MADD: variants seen among roughly 807,000 people sequenced by gnomAD.
MADD encodes the protein MAP kinase activating death domain, also known as MAP kinase-activating death domain protein.
A neutral mutation model predicts 176.7 loss-of-function variants in MADD; 109 were observed. The ratio of observed to expected loss-of-function variants is 0.62; its 90% CI spans 0.53 to 0.72. The LOEUF is 0.72. MADD is among the 30% of genes least tolerant of loss of function. The pLI, the probability that MADD is intolerant of heterozygous loss-of-function variation, is 0.00. For missense variants in MADD, 1,914 were observed against 2,045.5 expected (o/e 0.94, Z 1.24); for synonymous variants, 771 against 771.3 (o/e 1.00, Z 0.01).
At chr11:47,328,892 C>G (rs533489050) in intron 32 of MADD, among the ~76,000 whole-genome samples, 154 bp from the exon 37 acceptor site, 2 of 152,284 alleles carry the variant, frequency 1.3e-5, no homozygotes, top group African/African-American at 4.8e-5. Context: ...CACGGATCCC[C>G]TCTCCCATGG....
chr11:47,274,313 TCTTAAG>T (rs2047810605), intron 2 of MADD, among the ~76,000 whole-genome samples: 2 of 152,244 alleles, frequency 1.3e-5, no homozygotes, highest in Non-Finnish European at 2.9e-5. Context: ...ATGTTAATCA[TCTTAAG>T]GTGCCAGTGA....
At chr11:47,327,495 C>G in intron 31 of MADD, 3 of 985,442 alleles carry the variant, frequency 3.0e-6, no homozygotes, top group Non-Finnish European at 3.6e-6. Context: ...TGCCTTGGGC[C>G]CTGCCCTGGG....
At chr11:47,299,081 A>G (rs757155165) in intron 22 of MADD, among the ~76,000 whole-genome samples, 1 of 152,126 alleles carries the variant, frequency 6.6e-6, no homozygotes. Context: ...TATGGTTACT[A>G]TAGCTTTGTC....
chr11:47,270,329 C>T (rs1959171636), intron 1 of MADD, 83 bp downstream of exon 1: 1 of 149,950 alleles, frequency 6.7e-6, no homozygotes. Flanking sequence ...GACACCGTGG[C>T]TCTTGGAGGA....
chr11:47,294,995 A>C (rs1275938519), intron 20 of MADD, among the ~76,000 whole-genome samples: 1 of 149,494 alleles, frequency 6.7e-6, no homozygotes, highest in Non-Finnish European at 1.5e-5. Flanking sequence ...TACTTCTTTA[A>C]CGCATTGTTT....
intron 15 of MADD, 111 bp downstream of exon 16, chr11:47,289,138 G>C: frequency 8.9e-7 from 1 of 1,118,210 alleles, no homozygotes; most frequent in East Asian, 2.4e-5. Context: ...TGAGTGACCT[G>C]CTTGCCCCGT....
chr11:47,284,837 T>TGAC (rs2059501954), intron 12 of MADD, 104 bp from the exon 13 acceptor site: 4 of 1,488,380 alleles, frequency 2.7e-6, no homozygotes, highest in Non-Finnish European at 3.6e-6. Flanking sequence ...ACACATTCCT[T>TGAC]AGGCTAGAAA....
At chr11:47,269,313 C>T (rs570704897), upstream of MADD, 1 of 152,446 alleles carries the variant, frequency 6.6e-6, no homozygotes, top group South Asian at 2.1e-4. Context: ...TTAGGCGCCC[C>T]CTTCCCCTGC....
chr11:47,323,585 C>G, intron 27 of MADD, 86 bp from the exon 31 acceptor site: 1 of 1,459,620 alleles, frequency 6.9e-7, no homozygotes, highest in Non-Finnish European at 9.5e-7. Context: ...TGGGGATGCC[C>G]CAGGACCACC....
exon 2 of MADD, chr11:47,273,923 AAAG>A (rs749242102): frequency 3.1e-6 from 5 of 1,614,070 alleles, no homozygotes; most frequent in East Asian, 2.2e-5. Flanking sequence ...CCATGGTGCA[AAAG>A]AAGAAGTTCT....
At chr11:47,273,940 C>T (rs147932873) in exon 2 of MADD, 5 of 1,614,020 alleles carry the variant, frequency 3.1e-6, no homozygotes, top group Non-Finnish European at 4.2e-6. Flanking sequence ...AAGTTCTGTC[C>T]TCGGTTACTT....
intron 5 of MADD, among the ~76,000 whole-genome samples, chr11:47,277,927 C>T (rs1029450141): frequency 6.6e-6 from 1 of 152,186 alleles, no homozygotes; most frequent in Non-Finnish European, 1.5e-5. Flanking sequence ...CAGTTTGCCT[C>T]AGTTAACTGG....
At chr11:47,292,445 A>C in intron 19 of MADD, 98 bp from the exon 21 acceptor site, 1 of 1,050,336 alleles carries the variant, frequency 9.5e-7, no homozygotes, top group Non-Finnish European at 1.5e-6. Context: ...CCAGTGCCTG[A>C]GACTGAATCG....
At chr11:47,291,356 A>G (rs1179834214) in intron 19 of MADD, among the ~76,000 whole-genome samples, 1 of 152,098 alleles carries the variant, frequency 6.6e-6, no homozygotes, top group Non-Finnish European at 1.5e-5. Flanking sequence ...ACTGGACTTG[A>G]TTATAATCTC....
intron 22 of MADD, among the ~76,000 whole-genome samples, chr11:47,307,247 T>G (rs1420623556): frequency 6.6e-6 from 1 of 152,164 alleles, no homozygotes; most frequent in Non-Finnish European, 1.5e-5. Flanking sequence ...TATTTGAAAT[T>G]ATTCCAGTGT....
exon 13 of MADD, chr11:47,285,181 G>A: frequency 6.2e-7 from 1 of 1,613,868 alleles, no homozygotes; most frequent in South Asian, 1.1e-5. Context: ...CAGCCAACAT[G>A]TCAGTGGCAA....
intron 8 of MADD, 58 bp from the exon 9 acceptor site, chr11:47,282,323 G>A (rs1305186888): frequency 4.9e-6 from 7 of 1,435,416 alleles, no homozygotes; most frequent in Non-Finnish European, 6.9e-6. Flanking sequence ...CTAAGACTTT[G>A]GATCATGGGA....
Position 47,327,882 on chromosome 11 carries a change from T to A in MADD, c.4613-776T>A, listed in dbSNP as rs886633092. The A allele has an allele frequency of 3.0e-6, 3 of 985,184 alleles. No individual in the cohort carries two copies. In the African/African-American group the frequency reaches 5.2e-5, roughly 17 times the overall value. 61.0% of individuals were successfully genotyped at this position (985,184 alleles called of 1,614,324 possible). ...TGGTGGCTGAGCCTGGGGGGCCTAC[T>A]CCTTCCTCTGGCCAAGCAGAACCCC... On this transcript the variant is annotated intron_variant, in intron 31 of 32. Transcript: ENST00000402192.
At chr11:47,292,761 C>T (rs369121379) in intron 19 of MADD, among the ~76,000 whole-genome samples, 165 bp downstream of exon 21, 2 of 152,112 alleles carry the variant, frequency 1.3e-5, no homozygotes, top group African/African-American at 4.8e-5. Flanking sequence ...TGTGTGTAGG[C>T]CGCTTCTTTC....
Sources: gnomAD v4.1 joint callset for allele counts (sites outside exome capture counted in the v4.1 genomes callset) on GRCh38, gnomAD v4.1.1 for gene constraint, MANE v1.5 for transcripts, NCBI Gene and HGNC (gene_info 2026-07-23, HGNC 2026-07-21) for gene names.